Variants in TENM2 observed in about 807,000 individuals in gnomAD.
TENM2 encodes the protein teneurin transmembrane protein 2, also known as teneurin-2.
In TENM2, 52 loss-of-function variants were observed where a neutral mutation model predicts 245.2. That is an observed-to-expected ratio of 0.21 (90% CI 0.17 to 0.27). The LOEUF is 0.27. Ranked by LOEUF, TENM2 falls within the 10% of genes least tolerant of loss-of-function variation. The pLI, the probability that TENM2 is intolerant of heterozygous loss-of-function variation, is 1.00. For missense variants in TENM2, 3,046 were observed against 3,666.8 expected (o/e 0.83, Z 4.37); for synonymous variants, 1,363 against 1,438.9 (o/e 0.95, Z 1.19).
chr5:167,444,128 T>C (rs1178912239), intron 2 of TENM2, among the ~76,000 whole-genome samples: 1 of 152,078 alleles, frequency 6.6e-6, no homozygotes, highest in East Asian at 1.9e-4. Flanking sequence ...TTCAAGAAAA[T>C]ACTACGAGCC....
At chr5:167,674,547 T>C (rs1053599197) in intron 2 of TENM2, among the ~76,000 whole-genome samples, 1 of 152,104 alleles carries the variant, frequency 6.6e-6, no homozygotes, top group Non-Finnish European at 1.5e-5. Flanking sequence ...ATAATAATAA[T>C]TTTTAACAGA....
intron 5 of TENM2, among the ~76,000 whole-genome samples, chr5:168,010,709 C>G (rs776822794): frequency 6.6e-6 from 1 of 152,214 alleles, no homozygotes; most frequent in Non-Finnish European, 1.5e-5. Context: ...TATTGGAAGT[C>G]GTGGAGAATG....
rs532256711 is a variant in TENM2 at position 167,790,660 on chromosome 5, G to T, written c.503-85326G>T. Among the ~76,000 whole-genome samples the T allele has an allele frequency of 4.6e-5, 7 of 152,234 alleles. No individual in the cohort carries two copies. In the South Asian group the frequency reaches 1.5e-3, roughly 32 times the overall value. ...CCGCCATCTTGCACCATTTCTGTGG[G>T]AACCAATATTATTAGCAACATAGAT... On this transcript the variant is annotated intron_variant, in intron 2 of 28. Coordinates refer to ENST00000518659, the Ensembl canonical transcript of TENM2.
chr5:167,330,124 C>A (rs187689288), intron 1 of TENM2, among the ~76,000 whole-genome samples: 1 of 152,084 alleles, frequency 6.6e-6, no homozygotes, highest in African/African-American at 2.4e-5. Flanking sequence ...AATGTTGTTT[C>A]CTTATAGTAT....
chr5:167,662,988 AT>A (rs1719491518), intron 2 of TENM2, among the ~76,000 whole-genome samples: 1 of 152,110 alleles, frequency 6.6e-6, no homozygotes, highest in Non-Finnish European at 1.5e-5. Context: ...ATTCTCTCAT[AT>A]TTTAACCTCT....
chr5:168,131,833 C>T (rs6862251), intron 12 of TENM2, among the ~76,000 whole-genome samples: 46,885 of 152,046 alleles, frequency 0.31, 7,717 homozygotes, highest in East Asian at 0.62. Flanking sequence ...GCCATCCTTA[C>T]CACCAGGCCT....
At chr5:167,620,587 A>C (rs1312267394) in intron 2 of TENM2, among the ~76,000 whole-genome samples, 4 of 143,064 alleles carry the variant, frequency 2.8e-5, no homozygotes, top group Non-Finnish European at 4.5e-5. Flanking sequence ...ACTGAGCTCA[A>C]AATGTGCTAT....
chr5:167,042,341 AGTAGCATCACGTTT>A, the TENM2 span, among the ~76,000 whole-genome samples: 2 of 152,204 alleles, frequency 1.3e-5, no homozygotes, highest in Admixed American at 1.3e-4. Context: ...AGGAGAGGGA[AGTAGCATCACGTTT>A]GTATCTCTGG....
intron 2 of TENM2, among the ~76,000 whole-genome samples, chr5:167,809,238 T>G (rs936363222): frequency 2.0e-5 from 3 of 152,184 alleles, no homozygotes; most frequent in African/African-American, 7.2e-5. Context: ...TTCTTTTTCA[T>G]GCCCCTTTTA....
rs6895472 is a variant in TENM2 at position 168,135,959 on chromosome 5, A to T, written c.2422+8993A>T. 7.7e-3 allele frequency among the ~76,000 whole-genome samples: 1,166 copies of T among 152,182 alleles called. 8 individuals are homozygous for T. Among genetic ancestry groups the T allele is most frequent in the African/African-American group, 0.027 (1,122 of 41,514 alleles). On this transcript the variant is annotated intron_variant, in intron 12 of 28. Transcript: ENST00000518659. ...CTTTTCCCATTGCTGTTACCAAGGGATTCTCTACAAATAGCCTCATTCCAT... is the reference window on the plus strand; with the variant it reads ...CTTTTCCCATTGCTGTTACCAAGGGTTTCTCTACAAATAGCCTCATTCCAT...
chr5:167,171,824 C>G, the TENM2 span, among the ~76,000 whole-genome samples: 63 of 152,276 alleles, frequency 4.1e-4, no homozygotes, highest in African/African-American at 1.4e-3. Flanking sequence ...TAAGATTCCA[C>G]AGGGTGCGTG....
chr5:168,160,103 T>G (rs1284150627), intron 12 of TENM2, among the ~76,000 whole-genome samples: 1 of 152,192 alleles, frequency 6.6e-6, no homozygotes, highest in Non-Finnish European at 1.5e-5. Flanking sequence ...AGGTCTGTCA[T>G]TTAGTGTATT....
intron 13 of TENM2, among the ~76,000 whole-genome samples, chr5:168,176,038 C>G (rs1261999842): frequency 6.6e-6 from 1 of 152,222 alleles, no homozygotes; most frequent in African/African-American, 2.4e-5. Flanking sequence ...TGGGATGCCC[C>G]CTTACCTGGC....
chr5:167,756,965 T>C (rs561978150), intron 2 of TENM2, among the ~76,000 whole-genome samples: 1 of 152,310 alleles, frequency 6.6e-6, no homozygotes, highest in East Asian at 1.9e-4. Flanking sequence ...CATGAAATCA[T>C]GTGAGACATC....
chr5:167,103,856 A>AT, the TENM2 span, among the ~76,000 whole-genome samples: 1 of 151,882 alleles, frequency 6.6e-6, no homozygotes, highest in Non-Finnish European at 1.5e-5. Flanking sequence ...AAAAAAAAAA[A>AT]TGAGTTTACC....
intron 2 of TENM2, among the ~76,000 whole-genome samples, chr5:167,484,741 T>C (rs1767959639): frequency 6.6e-6 from 1 of 152,130 alleles, no homozygotes; most frequent in South Asian, 2.1e-4. Context: ...TTTGAAAAGA[T>C]CTAATACATG....
At chr5:167,742,414 TA>T in intron 2 of TENM2, among the ~76,000 whole-genome samples, 1 of 151,560 alleles carries the variant, frequency 6.6e-6, no homozygotes, top group South Asian at 2.1e-4. Context: ...GTCAGAAAAC[TA>T]ATTCTAAAAA....
At chr5:167,216,481 A>G in the TENM2 span, among the ~76,000 whole-genome samples, 1 of 152,192 alleles carries the variant, frequency 6.6e-6, no homozygotes, top group Admixed American at 6.5e-5. Flanking sequence ...TATGAGGGCC[A>G]TAAATTATGC....
At chr5:167,242,420 A>T in the TENM2 span, among the ~76,000 whole-genome samples, 1 of 149,794 alleles carries the variant, frequency 6.7e-6, no homozygotes, top group Non-Finnish European at 1.5e-5. Flanking sequence ...ATACTGATTA[A>T]CCTTTGATGA....
Sources: allele counts gnomAD v4.1 joint callset (sites outside exome capture counted in the v4.1 genomes callset), GRCh38; gene constraint gnomAD v4.1.1; transcripts MANE v1.5; gene names NCBI Gene and HGNC (gene_info 2026-07-23, HGNC 2026-07-21).